ESCO2: variants seen among roughly 807,000 people sequenced by gnomAD.
ESCO2 encodes N-acetyltransferase ESCO2.
ESCO2 carries 51 observed loss-of-function variants against 61.7 expected under a neutral mutation model. The ratio of observed to expected loss-of-function variants is 0.83; its 90% CI spans 0.66 to 1.04. ESCO2 has a LOEUF of 1.04. Ranked by LOEUF, ESCO2 falls within the 50% of genes least tolerant of loss-of-function variation. The pLI is 0.00. For synonymous variants in ESCO2, 230 were observed against 238.2 expected (o/e 0.97, Z 0.32); for missense variants, 692 against 686.2 (o/e 1.01, Z -0.09).
chr8:27,774,277 A>G (rs1804726667), upstream of ESCO2: 1 of 151,776 alleles, frequency 6.6e-6, no homozygotes, highest in Non-Finnish European at 1.5e-5. Context: ...AATGTATCTC[A>G]ACTTCAACTG....
chr8:27,806,244 G>GA (rs1042590427), downstream of ESCO2, among the ~76,000 whole-genome samples: 103 of 152,288 alleles, frequency 6.8e-4, no homozygotes, highest in Middle Eastern at 0.01. Context: ...TATTCCTATT[G>GA]AGGGCAATCA....
chr8:27,805,526 G>T (rs763714930), downstream of ESCO2, among the ~76,000 whole-genome samples: 7 of 151,842 alleles, frequency 4.6e-5, no homozygotes, highest in Non-Finnish European at 1.0e-4. Context: ...TGTTTGTTTT[G>T]TTTTTAAGTA....
downstream of ESCO2, among the ~76,000 whole-genome samples, chr8:27,815,064 A>C (rs1805783874): frequency 6.6e-6 from 1 of 152,216 alleles, no homozygotes; most frequent in South Asian, 2.1e-4. Context: ...ATTTTGAAAC[A>C]ATAGAAAGAA....
At position 27,804,643 on chromosome 8, in the gene ESCO2, C is replaced by T. The variant is rs945209972; in HGVS notation, c.*1205C>T. 8.1e-6 allele frequency: 8 copies of T among 985,228 alleles called. No homozygotes were observed. In the African/African-American group the frequency reaches 1.0e-4, roughly 13 times the overall value. 61.0% of individuals were successfully genotyped at this position (985,228 alleles called of 1,614,324 possible). ...ACTGGCAATAAGACTCTAGGCAAGT[C>T]GTTTTCCAGATTGTAATTATATGTA... On this transcript the variant is annotated 3_prime_UTR_variant, in exon 11 of 11. Coordinates refer to ENST00000305188, the MANE Select transcript of ESCO2 (RefSeq NM_001017420.3).
chr8:27,775,510 A>G lies in ESCO2; in HGVS notation c.-5A>G. 6.2e-7 allele frequency: 1 copy of G among 1,614,012 alleles called. No homozygotes were observed. The highest frequency in any genetic ancestry group is 2.2e-5 in the East Asian group (1 of 44,862). ...GTCATTTCTTTTAGGAATTCAATAA[A>G]GAAAATGGCAGCTCTTACTCCAAGG... On this transcript the variant is annotated 5_prime_UTR_variant, in exon 2 of 11. Transcript: ENST00000305188.
At chr8:27,772,666 G>C (rs906083773), upstream of ESCO2, 2 of 907,822 alleles carry the variant, frequency 2.2e-6, no homozygotes, top group South Asian at 1.7e-5. Context: ...GGCGGACGTC[G>C]GGGCGCGTCA....
intron 9 of ESCO2, among the ~76,000 whole-genome samples, chr8:27,797,464 CT>C (rs945005337): frequency 1.3e-5 from 2 of 149,142 alleles, no homozygotes; most frequent in African/African-American, 4.9e-5. Context: ...CTATGTGAGT[CT>C]TTTGTAGGCA....
downstream of ESCO2, chr8:27,810,922 A>G (rs773285324): frequency 2.4e-6 from 3 of 1,259,320 alleles, no homozygotes; most frequent in Non-Finnish European, 3.5e-6. Flanking sequence ...TGTGAAATGA[A>G]GAGATTGGGA....
intron 5 of ESCO2, among the ~76,000 whole-genome samples, chr8:27,785,727 C>T (rs78643973): frequency 0.077 from 11,647 of 151,500 alleles, 629 homozygotes; most frequent in South Asian, 0.15. Flanking sequence ...CAGTGGGATA[C>T]TATTTGTTAA....
chr8:27,784,124 C>T (rs1804984594), intron 5 of ESCO2, 67 bp downstream of exon 5: 2 of 1,466,298 alleles, frequency 1.4e-6, no homozygotes, highest in Non-Finnish European at 1.9e-6. Context: ...GTCTCTTTTT[C>T]AGTCTCATGC....
At chr8:27,793,479 G>GTTTTTTTTTTTTTTTTTTT (rs67670087) in intron 9 of ESCO2, among the ~76,000 whole-genome samples, 1 of 125,508 alleles carries the variant, frequency 8.0e-6, no homozygotes, top group African/African-American at 3.0e-5. Flanking sequence ...CTTTTTCTTT[G>GTTTTTTTTTTTTTTTTTTT]TTTTTTTTTT....
chr8:27,776,239 G>A, intron 2 of ESCO2, 123 bp from the exon 3 acceptor site: 1 of 708,954 alleles, frequency 1.4e-6, no homozygotes, highest in Non-Finnish European at 2.3e-6. Context: ...ATAGAAAATT[G>A]TGTGTATGGG....
At chr8:27,781,167 ACT>A (rs1804919544) in intron 4 of ESCO2, among the ~76,000 whole-genome samples, 2 of 152,214 alleles carry the variant, frequency 1.3e-5, no homozygotes, top group Non-Finnish European at 2.9e-5. Flanking sequence ...TTACTTAATA[ACT>A]ACAGTTTATC....
chr8:27,802,618 A>T (rs1805457974), intron 10 of ESCO2, among the ~76,000 whole-genome samples: 1 of 71,180 alleles, frequency 1.4e-5, no homozygotes, highest in Non-Finnish European at 2.7e-5. Flanking sequence ...AAAAAAAAAA[A>T]AAAAAAAAAA....
At chr8:27,816,898 C>T (rs1385176973), downstream of ESCO2, among the ~76,000 whole-genome samples, 1 of 151,996 alleles carries the variant, frequency 6.6e-6, no homozygotes, top group Non-Finnish European at 1.5e-5. Context: ...AATTAAACCA[C>T]CCCTTATTGG....
intron 10 of ESCO2, among the ~76,000 whole-genome samples, chr8:27,802,659 T>A (rs1323250879): frequency 1.2e-4 from 13 of 109,592 alleles, no homozygotes; most frequent in African/African-American, 2.6e-4. Flanking sequence ...ATATATATTA[T>A]ATATATATAT....
intron 8 of ESCO2, 59 bp from the exon 9 acceptor site, chr8:27,792,609 G>A (rs1310531128): frequency 2.0e-6 from 3 of 1,512,808 alleles, no homozygotes; most frequent in Non-Finnish European, 1.8e-6. Flanking sequence ...ATATAAATAT[G>A]TATAGTTTCT....
chr8:27,788,799 A>G (rs747980120), intron 6 of ESCO2, 48 bp from the exon 7 acceptor site: 8 of 1,611,090 alleles, frequency 5.0e-6, no homozygotes, highest in East Asian at 2.2e-5. Flanking sequence ...ATTTAGAGCT[A>G]TTTGTGCTAT....
intron 9 of ESCO2, among the ~76,000 whole-genome samples, chr8:27,797,437 G>A (rs1426072362): frequency 6.8e-6 from 1 of 147,758 alleles, no homozygotes; most frequent in Non-Finnish European, 1.5e-5. Flanking sequence ...TCGTTTTTCT[G>A]ACCCTTCACT....
Sources: allele counts gnomAD v4.1 joint callset (sites outside exome capture counted in the v4.1 genomes callset), GRCh38; gene constraint gnomAD v4.1.1; transcripts MANE v1.5; gene names NCBI Gene and HGNC (gene_info 2026-07-23, HGNC 2026-07-21).